Variants in HEMK2 observed in about 807,000 individuals in gnomAD.
The protein encoded by HEMK2 is methyltransferase HEMK2.
chr21:28,618,306 T>C, the HEMK2 span, among the ~76,000 whole-genome samples: 1 of 152,220 alleles, frequency 6.6e-6, no homozygotes, highest in Non-Finnish European at 1.5e-5. Flanking sequence ...GACTTACAAC[T>C]GTATATTCAC....
chr21:28,835,031 G>T, the HEMK2 span, among the ~76,000 whole-genome samples: 3 of 152,112 alleles, frequency 2.0e-5, no homozygotes, highest in Admixed American at 2.0e-4. Context: ...GCCTAGCCCA[G>T]CTCCCACCTG....
At chr21:28,841,254 TTA>T in the HEMK2 span, among the ~76,000 whole-genome samples, 5 of 5,146 alleles carry the variant, frequency 9.7e-4, no homozygotes, top group African/African-American at 6.1e-3. Flanking sequence ...ATATAATATA[TTA>T]TATATAATAT....
the HEMK2 span, among the ~76,000 whole-genome samples, chr21:28,606,347 A>G: frequency 5.3e-5 from 8 of 152,372 alleles, no homozygotes; most frequent in South Asian, 2.1e-4. Context: ...AGTGTTGTAC[A>G]TGCAGACCCA....
At chr21:28,673,387 G>T in the HEMK2 span, among the ~76,000 whole-genome samples, 1 of 152,108 alleles carries the variant, frequency 6.6e-6, no homozygotes, top group East Asian at 1.9e-4. Flanking sequence ...TCTTTACATT[G>T]CTGAAAGTGG....
chr21:28,859,293 C>T, the HEMK2 span, among the ~76,000 whole-genome samples: 1 of 152,050 alleles, frequency 6.6e-6, no homozygotes, highest in African/African-American at 2.4e-5. Flanking sequence ...CTTCCATCTG[C>T]TCTTTTTTTT....
the HEMK2 span, among the ~76,000 whole-genome samples, chr21:28,759,775 C>G: frequency 2.6e-5 from 4 of 152,170 alleles, no homozygotes; most frequent in Non-Finnish European, 5.9e-5. Flanking sequence ...CTTTCATTCT[C>G]TCTTGTCTGC....
chr21:28,765,533 T>C, the HEMK2 span, among the ~76,000 whole-genome samples: 1 of 152,150 alleles, frequency 6.6e-6, no homozygotes, highest in Non-Finnish European at 1.5e-5. Flanking sequence ...TTGCTATTTA[T>C]ATTGAATACT....
At chr21:28,830,468 A>AACTGTG in the HEMK2 span, among the ~76,000 whole-genome samples, 1 of 152,184 alleles carries the variant, frequency 6.6e-6, no homozygotes, top group Admixed American at 6.6e-5. Context: ...CAGCCTATGG[A>AACTGTG]ACTGTGAGTC....
chr21:28,616,187 A>G, the HEMK2 span, among the ~76,000 whole-genome samples: 1 of 152,336 alleles, frequency 6.6e-6, no homozygotes, highest in South Asian at 2.1e-4. Context: ...AGTAGCTTTA[A>G]AAGATTTTTC....
chr21:28,588,736 C>T, the HEMK2 span, among the ~76,000 whole-genome samples: 3 of 152,070 alleles, frequency 2.0e-5, no homozygotes, highest in East Asian at 1.9e-4. Flanking sequence ...TTTGGGAGGC[C>T]GAGGAGGTCG....
the HEMK2 span, among the ~76,000 whole-genome samples, chr21:28,821,880 T>A: frequency 1.3e-5 from 2 of 152,232 alleles, no homozygotes; most frequent in Non-Finnish European, 2.9e-5. Flanking sequence ...TTGCCCTTTC[T>A]CCATTTGTTA....
At chr21:28,614,311 A>G in the HEMK2 span, among the ~76,000 whole-genome samples, 1 of 151,906 alleles carries the variant, frequency 6.6e-6, no homozygotes, top group African/African-American at 2.4e-5. Context: ...TTTTTTTTTA[A>G]GTTTCTATGG....
At chr21:28,840,898 A>C in the HEMK2 span, among the ~76,000 whole-genome samples, 17 of 147,190 alleles carry the variant, frequency 1.2e-4, no homozygotes, top group Non-Finnish European at 2.4e-4. Flanking sequence ...CACTTGCACA[A>C]GCATGTTTAT....
the HEMK2 span, among the ~76,000 whole-genome samples, chr21:28,631,152 T>C: frequency 6.6e-6 from 1 of 152,122 alleles, no homozygotes; most frequent in African/African-American, 2.4e-5. Context: ...GCTCTCCCTC[T>C]TCCTGGTTTA....
At chr21:28,614,841 TG>T in the HEMK2 span, among the ~76,000 whole-genome samples, 1 of 148,410 alleles carries the variant, frequency 6.7e-6, no homozygotes, top group East Asian at 2.0e-4. Context: ...AGCACAAAAG[TG>T]GTTCTCTTTT....
the HEMK2 span, among the ~76,000 whole-genome samples, chr21:28,712,976 G>C: frequency 6.6e-6 from 1 of 152,222 alleles, no homozygotes; most frequent in East Asian, 1.9e-4. Flanking sequence ...ATGAAAATAA[G>C]ATTTTAGGCA....
chr21:28,764,485 G>A, the HEMK2 span, among the ~76,000 whole-genome samples: 1 of 152,042 alleles, frequency 6.6e-6, no homozygotes, highest in Non-Finnish European at 1.5e-5. Flanking sequence ...AGAAAAAAAA[G>A]CTACAATGAA....
the HEMK2 span, among the ~76,000 whole-genome samples, chr21:28,724,709 A>T: frequency 7.6e-3 from 1,159 of 152,368 alleles, 14 homozygotes; most frequent in African/African-American, 0.026. Flanking sequence ...TGACTTTAGT[A>T]TGCCTCTGCA....
At chr21:28,880,329 G>T in the HEMK2 span, among the ~76,000 whole-genome samples, 1 of 152,112 alleles carries the variant, frequency 6.6e-6, no homozygotes, top group South Asian at 2.1e-4. Flanking sequence ...TCCGATATCT[G>T]TACAGATACC....
Sources: allele counts gnomAD v4.1 joint callset (sites outside exome capture counted in the v4.1 genomes callset), GRCh38; gene constraint gnomAD v4.1.1; transcripts MANE v1.5; gene names NCBI Gene and HGNC (gene_info 2026-07-23, HGNC 2026-07-21).